RBFOX1: variants seen among roughly 807,000 people sequenced by gnomAD.
RBFOX1 encodes the protein RNA binding fox-1 homolog 1, also known as RNA binding protein fox-1 homolog 1.
Under a neutral mutation model 57.7 loss-of-function variants are expected in RBFOX1, and 8 were observed. The ratio of observed to expected loss-of-function variants is 0.14; its 90% CI spans 0.08 to 0.25. The LOEUF (loss-of-function observed/expected upper bound fraction) is 0.25, where lower values mean the gene tolerates loss of function less well. Among genes scored for constraint, RBFOX1 ranks in the 10% least tolerant of loss-of-function variants. RBFOX1 has a pLI of 1.00. For synonymous variants in RBFOX1, 326 were observed against 222.4 expected (o/e 1.47, Z -4.15); for missense variants, 611 against 548.5 (o/e 1.11, Z -1.14).
intron 4 of RBFOX1, among the ~76,000 whole-genome samples, chr16:7,458,352 C>G (rs965569011): frequency 1.3e-5 from 2 of 152,188 alleles, no homozygotes; most frequent in African/African-American, 2.4e-5. Flanking sequence ...ACTTTGTGCC[C>G]AGATGCTCAC....
At chr16:7,156,606 C>CAT (rs1170823854) in intron 4 of RBFOX1, among the ~76,000 whole-genome samples, 1 of 151,860 alleles carries the variant, frequency 6.6e-6, no homozygotes, top group Non-Finnish European at 1.5e-5. Flanking sequence ...TATATGTGTA[C>CAT]ATATATATGT....
chr16:7,654,026 A>G, intron 12 of RBFOX1, 79 bp downstream of exon 12: 1 of 1,404,714 alleles, frequency 7.1e-7, no homozygotes, highest in Non-Finnish European at 9.3e-7. Flanking sequence ...TTGCGAGCGC[A>G]TGATGGTCTT....
chr16:5,913,678 CA>C (rs1224797660), intron 4 of RBFOX1, among the ~76,000 whole-genome samples: 1 of 152,142 alleles, frequency 6.6e-6, no homozygotes, highest in African/African-American at 2.4e-5. Context: ...TGTAGCAATG[CA>C]AAACAGGCTA....
chr16:5,910,278 T>A (rs1567136866), intron 4 of RBFOX1, among the ~76,000 whole-genome samples: 1 of 151,918 alleles, frequency 6.6e-6, no homozygotes, highest in African/African-American at 2.4e-5. Flanking sequence ...AGGGAGAAGT[T>A]TCACATAGCA....
chr16:6,287,678 A>C (rs910358779), intron 1 of RBFOX1, among the ~76,000 whole-genome samples: 1 of 152,128 alleles, frequency 6.6e-6, no homozygotes, highest in Non-Finnish European at 1.5e-5. Flanking sequence ...GTATGCATAT[A>C]TACATAAAAG....
chr16:5,449,411 T>C (rs1266242928), intron 1 of RBFOX1, among the ~76,000 whole-genome samples: 1 of 152,190 alleles, frequency 6.6e-6, no homozygotes, highest in East Asian at 1.9e-4. Context: ...CAAACCTCAG[T>C]TTCTGTTTAT....
chr16:7,499,089 A>C (rs1321507425), intron 4 of RBFOX1, among the ~76,000 whole-genome samples: 3 of 152,182 alleles, frequency 2.0e-5, no homozygotes, highest in Admixed American at 6.5e-5. Context: ...AAAGAACCAC[A>C]AACTGGGTGA....
Position 6,358,491 on chromosome 16 carries a change from A to C in RBFOX1, c.-64+41434A>C, listed in dbSNP as rs1355316287. On this transcript the variant is annotated intron_variant, in intron 2 of 15. Coordinates refer to ENST00000550418, the MANE Select transcript of RBFOX1 (RefSeq NM_018723.4). ...TGTTTGGATTAATAATTCACTAATT[A>C]ATCCCATAGATAAAGATCCAGCTGA... 2.0e-5 allele frequency among the ~76,000 whole-genome samples: 3 copies of C among 152,250 alleles called. No individual in the cohort carries two copies. The East Asian group carries it at 5.8e-4, about 29-fold the overall frequency.
chr16:7,481,442 G>A (rs2063913920), intron 4 of RBFOX1, among the ~76,000 whole-genome samples: 1 of 152,156 alleles, frequency 6.6e-6, no homozygotes, highest in African/African-American at 2.4e-5. Flanking sequence ...TTCTTTGGTG[G>A]AATATTGGGA....
At chr16:5,591,136 G>A (rs9928075) in intron 2 of RBFOX1, among the ~76,000 whole-genome samples, 26,554 of 151,274 alleles carry the variant, frequency 0.18, 2,555 homozygotes, top group East Asian at 0.32. Context: ...AAAAAGTATC[G>A]GGTAGCATAA....
At chr16:7,358,684 T>G (rs2097263399) in intron 4 of RBFOX1, among the ~76,000 whole-genome samples, 1 of 152,172 alleles carries the variant, frequency 6.6e-6, no homozygotes, top group African/African-American at 2.4e-5. Context: ...CCTCCCAAAG[T>G]GCTGGGATTA....
At chr16:7,306,640 A>G (rs2096195337) in intron 4 of RBFOX1, among the ~76,000 whole-genome samples, 1 of 152,028 alleles carries the variant, frequency 6.6e-6, no homozygotes, top group Non-Finnish European at 1.5e-5. Context: ...CTGAAGTATA[A>G]TAAAGGCAGT....
intron 1 of RBFOX1, among the ~76,000 whole-genome samples, chr16:5,372,265 C>G (rs989440936): frequency 1.5e-4 from 23 of 152,186 alleles, no homozygotes; most frequent in Non-Finnish European, 4.4e-5. Flanking sequence ...ATTGCAGAAC[C>G]TGATCTCAGT....
chr16:6,856,596 C>A (rs1021801091), intron 3 of RBFOX1, among the ~76,000 whole-genome samples: 2 of 152,064 alleles, frequency 1.3e-5, no homozygotes, highest in Admixed American at 6.5e-5. Flanking sequence ...TTCAGGCCAC[C>A]GTGGAATTCA....
At chr16:6,096,523 G>A (rs1409849671) in intron 1 of RBFOX1, among the ~76,000 whole-genome samples, 1 of 152,142 alleles carries the variant, frequency 6.6e-6, no homozygotes, top group East Asian at 1.9e-4. Flanking sequence ...TGGAATTCCT[G>A]GCTGAAATAA....
intron 3 of RBFOX1, among the ~76,000 whole-genome samples, chr16:6,818,587 C>G (rs1603628553): frequency 6.6e-6 from 1 of 152,292 alleles, no homozygotes; most frequent in Non-Finnish European, 1.5e-5. Context: ...CTATGGCACT[C>G]TCATTTAACC....
chr16:6,645,451 G>A (rs1436686068), intron 2 of RBFOX1, among the ~76,000 whole-genome samples: 1 of 152,138 alleles, frequency 6.6e-6, no homozygotes, highest in African/African-American at 2.4e-5. Flanking sequence ...TCAGAGCTGG[G>A]AATGCTGCTG....
At chr16:5,660,782 C>G (rs2049620470) in intron 3 of RBFOX1, among the ~76,000 whole-genome samples, 1 of 152,060 alleles carries the variant, frequency 6.6e-6, no homozygotes, top group African/African-American at 2.4e-5. Context: ...GAGAGGTGAG[C>G]TGAAGCAGGC....
rs74004793 is a variant in RBFOX1, at chr16:6,123,071, A to T, written c.-127+103079A>T. On this transcript the variant is annotated intron_variant, in intron 1 of 15. Transcript: ENST00000550418. ...CTTTGCATAACTTAGGGAGGTACTTAGGAACATTGCAAAATTTTAGGAGAT... is the reference window on the plus strand; with the variant it reads ...CTTTGCATAACTTAGGGAGGTACTTTGGAACATTGCAAAATTTTAGGAGAT... 8.9e-3 allele frequency among the ~76,000 whole-genome samples: 1,350 copies of T among 152,296 alleles called. 23 individuals carry two copies. Among genetic ancestry groups the T allele is most frequent in the African/African-American group, 0.03 (1,248 of 41,574 alleles).
Sources: allele counts gnomAD v4.1 joint callset (sites outside exome capture counted in the v4.1 genomes callset), GRCh38; gene constraint gnomAD v4.1.1; transcripts MANE v1.5; gene names NCBI Gene and HGNC (gene_info 2026-07-23, HGNC 2026-07-21).